Variants in GBE1 observed in about 807,000 individuals in gnomAD.
The protein encoded by GBE1 is 1,4-alpha-glucan branching enzyme 1.
A neutral mutation model predicts 88.8 loss-of-function variants in GBE1; 70 were observed. The observed-to-expected ratio is 0.79, with a 90% CI of 0.65 to 0.96. The LOEUF is 0.96. Ranked by LOEUF, GBE1 falls within the 40% of genes least tolerant of loss-of-function variation. GBE1 has a pLI of 0.00. For missense variants in GBE1, 872 were observed against 871.0 expected, an observed-to-expected ratio of 1.00 and a Z score of -0.01; for synonymous variants, 284 against 300.1, an observed-to-expected ratio of 0.95 and a Z score of 0.56.
chr3:81,547,480 T>C (rs1283972119), intron 12 of GBE1, among the ~76,000 whole-genome samples: 1 of 151,374 alleles, frequency 6.6e-6, no homozygotes, highest in East Asian at 1.9e-4. Context: ...ATTCGATAAT[T>C]TTCCTCTTTG....
chr3:81,759,355 A>G (rs1394393760), intron 1 of GBE1, among the ~76,000 whole-genome samples: 2 of 152,084 alleles, frequency 1.3e-5, no homozygotes, highest in African/African-American at 4.8e-5. Flanking sequence ...TGTACCTCAA[A>G]TTTTCTTCAC....
Position 81,683,210 on chromosome 3 carries a change from C to T in GBE1, c.314-12257G>A, listed in dbSNP as rs149840326. On this transcript the variant is annotated intron_variant, in intron 2 of 15. Coordinates refer to ENST00000429644, the MANE Select transcript of GBE1 (RefSeq NM_000158.4). Reference sequence around the variant, plus strand: ...ATACTAAAAACCATCAAATTGTACACTTTAAAATGGTGAGCTGTATGCTAT... The same window carrying T: ...ATACTAAAAACCATCAAATTGTACATTTTAAAATGGTGAGCTGTATGCTAT... Among the ~76,000 whole-genome samples, 343 of 152,252 alleles carry T rather than the reference C, an allele frequency of 2.3e-3. 1 individual carries two copies. The highest frequency in any genetic ancestry group is 5.4e-3 in the South Asian group (26 of 4,828).
At chr3:81,644,132 A>G (rs187274033) in intron 6 of GBE1, among the ~76,000 whole-genome samples, 41 of 152,182 alleles carry the variant, frequency 2.7e-4, no homozygotes, top group Admixed American at 5.2e-4. Flanking sequence ...ACCACGTACC[A>G]TGACATTTTC....
intron 3 of GBE1, among the ~76,000 whole-genome samples, chr3:81,663,887 C>T (rs1408273764): frequency 6.6e-6 from 1 of 152,086 alleles, no homozygotes; most frequent in Non-Finnish European, 1.5e-5. Flanking sequence ...GAACCTTTCC[C>T]ATTTCAATGT....
chr3:81,642,349 T>C (rs1168350416), intron 7 of GBE1, among the ~76,000 whole-genome samples: 1 of 152,252 alleles, frequency 6.6e-6, no homozygotes, highest in East Asian at 1.9e-4. Flanking sequence ...GTTTTATAGT[T>C]ATAAATTAAT....
chr3:81,731,777 T>A (rs1706190382), intron 1 of GBE1, among the ~76,000 whole-genome samples: 1 of 152,108 alleles, frequency 6.6e-6, no homozygotes, highest in African/African-American at 2.4e-5. Flanking sequence ...CCTTCCGCCA[T>A]GAATGTAACT....
intron 7 of GBE1, among the ~76,000 whole-genome samples, chr3:81,628,542 T>C (rs1259772869): frequency 1.3e-5 from 2 of 151,968 alleles, no homozygotes; most frequent in Non-Finnish European, 1.5e-5. Context: ...GAGCCAGTGA[T>C]GAGTTTCTTC....
intron 7 of GBE1, among the ~76,000 whole-genome samples, chr3:81,637,092 A>G (rs894808103): frequency 6.6e-5 from 10 of 152,302 alleles, no homozygotes; most frequent in African/African-American, 2.4e-4. Flanking sequence ...AATTAGGCAA[A>G]ATAAGAGATT....
At chr3:81,556,397 A>C (rs1380529112) in intron 12 of GBE1, among the ~76,000 whole-genome samples, 1 of 152,066 alleles carries the variant, frequency 6.6e-6, no homozygotes, top group African/African-American at 2.4e-5. Context: ...CACAACAGTT[A>C]TTGGAGTCCC....
intron 2 of GBE1, among the ~76,000 whole-genome samples, chr3:81,686,991 A>G (rs995183354): frequency 6.6e-6 from 1 of 152,162 alleles, no homozygotes; most frequent in Admixed American, 6.5e-5. Context: ...CATCACCCAT[A>G]TTAATACATA....
chr3:81,515,100 C>A (rs1476239643), intron 14 of GBE1, among the ~76,000 whole-genome samples: 1 of 151,472 alleles, frequency 6.6e-6, no homozygotes, highest in African/African-American at 2.4e-5. Context: ...TACTACTGCA[C>A]CAGCATAGCT....
intron 2 of GBE1, among the ~76,000 whole-genome samples, chr3:81,694,310 T>C (rs1381529253): frequency 6.6e-6 from 1 of 152,130 alleles, no homozygotes; most frequent in Non-Finnish European, 1.5e-5. Flanking sequence ...AATGTTTTCT[T>C]CCTCTTTGAA....
At chr3:81,699,314 T>C (rs1341132872) in intron 2 of GBE1, among the ~76,000 whole-genome samples, 1 of 152,158 alleles carries the variant, frequency 6.6e-6, no homozygotes, top group East Asian at 1.9e-4. Flanking sequence ...ATCACTACCC[T>C]GCCAAAACAA....
chr3:81,506,243 C>T (rs1702652658), intron 14 of GBE1, among the ~76,000 whole-genome samples: 1 of 151,946 alleles, frequency 6.6e-6, no homozygotes, highest in East Asian at 1.9e-4. Context: ...AAAAAGTAGG[C>T]AAAGGACATG....
intron 1 of GBE1, among the ~76,000 whole-genome samples, chr3:81,706,180 A>G (rs777726640): frequency 1.3e-5 from 2 of 152,178 alleles, no homozygotes; most frequent in Non-Finnish European, 2.9e-5. Context: ...CTGTGTTCCA[A>G]TAACACTTTA....
At chr3:81,634,823 G>A (rs1432975258) in intron 7 of GBE1, among the ~76,000 whole-genome samples, 41 of 152,104 alleles carry the variant, frequency 2.7e-4, no homozygotes, top group Non-Finnish European at 1.6e-4. Context: ...AGTTAGTGAA[G>A]GAACATGTGG....
At chr3:81,629,018 G>GT (rs34707682) in intron 7 of GBE1, among the ~76,000 whole-genome samples, 34,875 of 98,632 alleles carry the variant, frequency 0.35, 5,537 homozygotes, top group Non-Finnish European at 0.4. Flanking sequence ...TTATGTTTAA[G>GT]TTTTTTTTTT....
In GBE1 at chr3:81,702,102, A is replaced by AGAGAGT. The variant is rs1468506890; in HGVS notation, c.313+3341_313+3342insACTCTC. Among the ~76,000 whole-genome samples the AGAGAGT allele has an allele frequency of 2.3e-4, 27 of 115,464 alleles. No individual in the cohort carries two copies. In the East Asian group the frequency reaches 2.4e-3, roughly 10 times the overall value. 75.7% of individuals were successfully genotyped at this position (115,464 alleles called of 152,430 possible). On this transcript the variant is annotated intron_variant, in intron 2 of 15. Transcript: ENST00000429644. ...TCCCTGGAGAGAGAGAGAGAGAGAG[A>AGAGAGT]GTGTGTGTGTGTGTGTGTGTGTGTG...
In GBE1 at chr3:81,589,000, G is replaced by A. The variant is rs73127072; in HGVS notation, c.1236+2037C>T. ...AGTTGTTTCAGCCCTCCTTTTGAAG[G>A]TGGAAAGTTTGTGACTGTTCTTTTA... On this transcript the variant is annotated intron_variant, in intron 9 of 15. Coordinates refer to ENST00000429644, the MANE Select transcript of GBE1 (RefSeq NM_000158.4). Among the ~76,000 whole-genome samples, 336 of 152,032 alleles carry A rather than the reference G, an allele frequency of 2.2e-3. 2 individuals carry two copies. The highest frequency in any genetic ancestry group is 3.7e-3 in the Non-Finnish European group (253 of 67,978).
Sources: allele counts gnomAD v4.1 joint callset (sites outside exome capture counted in the v4.1 genomes callset), GRCh38; gene constraint gnomAD v4.1.1; transcripts MANE v1.5; gene names NCBI Gene and HGNC (gene_info 2026-07-23, HGNC 2026-07-21).